Variants in ACTL8 observed in about 807,000 individuals in gnomAD.
ACTL8 encodes actin-like protein 8.
ACTL8 carries 3 observed loss-of-function variants against 9.3 expected under a neutral mutation model. The observed-to-expected ratio is 0.32, with a 90% confidence interval of 0.15 to 0.83. The LOEUF is 0.83. Among genes scored for constraint, ACTL8 ranks in the 40% least tolerant of loss-of-function variants. ACTL8 has a pLI of 0.57. For synonymous variants in ACTL8, 224 were observed against 205.9 expected (o/e 1.09, Z -0.75); for missense variants, 381 against 492.2 (o/e 0.77, Z 2.14).
chr1:17,759,098 A>G (rs752780035), intron 1 of ACTL8, among the ~76,000 whole-genome samples: 1 of 152,230 alleles, frequency 6.6e-6, no homozygotes, highest in Non-Finnish European at 1.5e-5. Context: ...ACAGGACTTC[A>G]GTGGTGTGCA....
At position 17,767,348 on chromosome 1, in the gene ACTL8, G is replaced by A. The variant is rs1476501645; in HGVS notation, c.-25+11844G>A. The stretch of plus-strand genomic sequence containing the variant: ...CCGGGGGATGAGGCGGAGGCAGGGG[G>A]GCCAGTGTGGGGGCCGTCCCTGTGG... On this transcript the variant is annotated intron_variant, in intron 1 of 2. Coordinates refer to ENST00000375406, the MANE Select transcript of ACTL8 (RefSeq NM_030812.3). This position sits in a 1 kb window ranked among gnomAD's most constrained non-coding sequence, Gnocchi z 4.7. 1.3e-5 allele frequency among the ~76,000 whole-genome samples: 2 copies of A among 152,108 alleles called. No homozygotes were observed. The highest frequency in any genetic ancestry group is 2.9e-5 in the Non-Finnish European group (2 of 68,006).
chr1:17,760,167 A>C (rs149029441), intron 1 of ACTL8, among the ~76,000 whole-genome samples: 8 of 152,138 alleles, frequency 5.3e-5, no homozygotes, highest in African/African-American at 1.9e-4. Context: ...ACCTCGAATG[A>C]GGTTCCTTTG....
intron 1 of ACTL8, among the ~76,000 whole-genome samples, chr1:17,762,813 A>AGGTGGCAGT (rs1415954218): frequency 2.6e-5 from 4 of 152,074 alleles, no homozygotes; most frequent in African/African-American, 9.7e-5. Flanking sequence ...TGTGGGCCCC[A>AGGTGGCAGT]GGTGGCAGTG....
chr1:17,824,573 A>T (rs2053697264), intron 2 of ACTL8, among the ~76,000 whole-genome samples: 1 of 152,228 alleles, frequency 6.6e-6, no homozygotes, highest in South Asian at 2.1e-4. Context: ...CGTGATGCCT[A>T]GTTAGACTTG....
intron 1 of ACTL8, among the ~76,000 whole-genome samples, chr1:17,814,834 C>T (rs557657512): frequency 1.7e-4 from 26 of 152,250 alleles, no homozygotes; most frequent in East Asian, 9.6e-4. Context: ...CATAGCAAGA[C>T]TCCATATCTA....
intron 1 of ACTL8, among the ~76,000 whole-genome samples, chr1:17,819,370 C>A (rs561036612): frequency 6.6e-6 from 1 of 152,238 alleles, no homozygotes; most frequent in Non-Finnish European, 1.5e-5. Flanking sequence ...TCTCCACGCT[C>A]CTTCTTGGCT....
chr1:17,796,930 C>T (rs905188835), intron 1 of ACTL8, among the ~76,000 whole-genome samples: 4 of 152,216 alleles, frequency 2.6e-5, no homozygotes, highest in African/African-American at 7.2e-5. Context: ...CTGAGGGCCT[C>T]GGAAGGCAGC....
intron 1 of ACTL8, among the ~76,000 whole-genome samples, chr1:17,783,757 G>C (rs1411342775): frequency 2.0e-5 from 3 of 152,192 alleles, no homozygotes; most frequent in Non-Finnish European, 4.4e-5. Flanking sequence ...CCGTTTTCTG[G>C]GGAAAGCTTC....
At chr1:17,781,441 G>T (rs2066154338) in intron 1 of ACTL8, among the ~76,000 whole-genome samples, 1 of 152,046 alleles carries the variant, frequency 6.6e-6, no homozygotes, top group African/African-American at 2.4e-5. Flanking sequence ...GTTTTGCCAT[G>T]TTGGCCAGGC....
chr1:17,826,377 T>A lies in ACTL8; in HGVS notation c.959T>A (p.Val320Asp), dbSNP rs1557451068. 6.2e-7 allele frequency: 1 copy of A among 1,613,952 alleles called. No homozygotes were observed. The highest frequency in any genetic ancestry group is 8.5e-7 in the Non-Finnish European group (1 of 1,179,984). Reference sequence around the variant, plus strand: ...TTCAGGGAGCTGATGGGGGATCACGTCTCCTCCACCAAGGCCACAGTCTGG... The same window carrying A: ...TTCAGGGAGCTGATGGGGGATCACGACTCCTCCACCAAGGCCACAGTCTGG... ...RLFRELMGDH[V>D]SSTKATVWEG... is the part of the protein sequence containing the mutation. The change falls in exon 3 of 3, where the codon GTC becomes GAC. Residue 320 changes from valine to aspartate, a missense_variant. Transcript: ENST00000375406. The surrounding 1 kb of genome is among the most constrained non-coding windows in gnomAD (Gnocchi z 4.5).
At chr1:17,812,301 A>G (rs1263528384) in intron 1 of ACTL8, among the ~76,000 whole-genome samples, 1 of 152,212 alleles carries the variant, frequency 6.6e-6, no homozygotes, top group Non-Finnish European at 1.5e-5. Flanking sequence ...TTGATATCTA[A>G]CGGTAATCCT....
intron 1 of ACTL8, among the ~76,000 whole-genome samples, chr1:17,808,465 G>T (rs2066373203): frequency 6.6e-6 from 1 of 152,228 alleles, no homozygotes; most frequent in Admixed American, 6.5e-5. Context: ...CTTGGGCTGT[G>T]AACCCACAGG....
At chr1:17,819,975 C>T (rs1242289574) in intron 1 of ACTL8, among the ~76,000 whole-genome samples, 3 of 151,962 alleles carry the variant, frequency 2.0e-5, no homozygotes, top group African/African-American at 7.3e-5. Context: ...TGCCACTGCC[C>T]TCCAGCCTGC....
intron 1 of ACTL8, among the ~76,000 whole-genome samples, chr1:17,810,895 C>T (rs1451292368): frequency 6.6e-6 from 1 of 152,172 alleles, no homozygotes; most frequent in Non-Finnish European, 1.5e-5. Context: ...TGTTCATTTA[C>T]CAGCTGAAGA....
intron 1 of ACTL8, among the ~76,000 whole-genome samples, chr1:17,798,148 G>A (rs1432582810): frequency 9.9e-6 from 1 of 100,798 alleles, no homozygotes; most frequent in Non-Finnish European, 1.9e-5. Context: ...AGAAGGCAGA[G>A]GTCATATGGG....
chr1:17,765,225 A>T (rs1461845885), intron 1 of ACTL8, among the ~76,000 whole-genome samples: 1 of 152,096 alleles, frequency 6.6e-6, no homozygotes, highest in Non-Finnish European at 1.5e-5. Flanking sequence ...GGCCTGAAGG[A>T]AGAGAAACAT....
chr1:17,778,522 T>C (rs2066131680), intron 1 of ACTL8, among the ~76,000 whole-genome samples: 1 of 152,088 alleles, frequency 6.6e-6, no homozygotes, highest in Non-Finnish European at 1.5e-5. Flanking sequence ...GGGCCACTTT[T>C]GGTGAAGCAA....
chr1:17,790,989 G>A (rs1299951874), intron 1 of ACTL8, among the ~76,000 whole-genome samples: 1 of 152,130 alleles, frequency 6.6e-6, no homozygotes, highest in East Asian at 1.9e-4. Context: ...GCAGGGGGAA[G>A]CCAGGCAGTG....
intron 1 of ACTL8, among the ~76,000 whole-genome samples, chr1:17,770,261 A>G (rs980046623): frequency 6.6e-6 from 1 of 152,212 alleles, no homozygotes; most frequent in Non-Finnish European, 1.5e-5. Flanking sequence ...GCAACAGAGT[A>G]TGCTACCTTT....
Sources: allele counts gnomAD v4.1 joint callset (sites outside exome capture counted in the v4.1 genomes callset), GRCh38; gene constraint gnomAD v4.1.1; non-coding constraint Gnocchi (gnomAD v3.1); transcripts MANE v1.5; gene names NCBI Gene and HGNC (gene_info 2026-07-23, HGNC 2026-07-21).